The following ZFPM2 variants were observed in gnomAD, a reference collection of about 807,000 sequenced individuals.
ZFPM2 encodes zinc finger protein ZFPM2.
In ZFPM2, 20 loss-of-function variants were observed where a neutral mutation model predicts 98.6. The observed-to-expected ratio is 0.20, with a 90% CI of 0.14 to 0.29. The LOEUF is 0.29. Among genes scored for constraint, ZFPM2 ranks in the 10% least tolerant of loss-of-function variants. The pLI is 1.00. For missense variants in ZFPM2, 1,310 were observed against 1,388.6 expected (o/e 0.94, Z 0.90); for synonymous variants, 518 against 502.7 (o/e 1.03, Z -0.41).
intron 2 of ZFPM2, among the ~76,000 whole-genome samples, chr8:105,429,301 A>G (rs1161717461): frequency 6.6e-6 from 1 of 152,028 alleles, no homozygotes; most frequent in African/African-American, 2.4e-5. Flanking sequence ...CAGCATGGAT[A>G]TGTATATGTG....
chr8:105,495,611 C>T (rs1193407621), intron 3 of ZFPM2, among the ~76,000 whole-genome samples: 1 of 152,098 alleles, frequency 6.6e-6, no homozygotes, highest in Admixed American at 6.5e-5. Flanking sequence ...GATTCTCTTC[C>T]TCCTTTTAAG....
intron 3 of ZFPM2, among the ~76,000 whole-genome samples, chr8:105,489,121 A>G (rs1045812205): frequency 2.0e-5 from 3 of 152,080 alleles, no homozygotes; most frequent in Non-Finnish European, 2.9e-5. Flanking sequence ...GGTATAATAT[A>G]GCAGTACATT....
intron 5 of ZFPM2, among the ~76,000 whole-genome samples, chr8:105,704,923 T>C (rs1811222753): frequency 6.6e-6 from 1 of 152,162 alleles, no homozygotes; most frequent in Non-Finnish European, 1.5e-5. Flanking sequence ...AGTCAGTTAG[T>C]CTCGTCTTAG....
chr8:105,765,774 G>A (rs919173608), intron 5 of ZFPM2, among the ~76,000 whole-genome samples: 2 of 151,886 alleles, frequency 1.3e-5, no homozygotes, highest in African/African-American at 4.8e-5. Context: ...GGTTCAATAA[G>A]TTAATATGCT....
At chr8:105,530,772 A>C (rs1398943352) in intron 3 of ZFPM2, among the ~76,000 whole-genome samples, 1 of 152,098 alleles carries the variant, frequency 6.6e-6, no homozygotes, top group Non-Finnish European at 1.5e-5. Context: ...TTTGGAGGAG[A>C]CACAATTCGG....
chr8:105,590,381 C>G (rs1189588997), intron 4 of ZFPM2, among the ~76,000 whole-genome samples: 2 of 152,162 alleles, frequency 1.3e-5, no homozygotes, highest in African/African-American at 4.8e-5. Context: ...GGCCAAAATA[C>G]TTCAGTGTCA....
chr8:105,352,832 C>T (rs1812674150), intron 1 of ZFPM2, among the ~76,000 whole-genome samples: 1 of 151,964 alleles, frequency 6.6e-6, no homozygotes, highest in African/African-American at 2.4e-5. Context: ...TGTATGCCTG[C>T]CTGCCTGCCT....
At chr8:105,684,911 T>C (rs1810696231) in intron 5 of ZFPM2, 3 of 152,106 alleles carry the variant, frequency 2.0e-5, no homozygotes, top group Non-Finnish European at 2.9e-5. Context: ...GCGGACAAGT[T>C]TGTGATTCTT....
chr8:105,797,227 A>G (rs912233328), intron 6 of ZFPM2: 2 of 152,294 alleles, frequency 1.3e-5, no homozygotes, highest in East Asian at 1.9e-4. Flanking sequence ...CTCCTCACCT[A>G]TAAGTGGATG....
At chr8:105,798,969 T>G in intron 7 of ZFPM2, 21 bp downstream of exon 7, 1 of 1,598,218 alleles carries the variant, frequency 6.3e-7, no homozygotes, top group Non-Finnish European at 8.6e-7. Flanking sequence ...CTTTTGTTTC[T>G]TCTGTTGCTC....
At chr8:105,636,214 AT>A (rs1806517057) in intron 5 of ZFPM2, among the ~76,000 whole-genome samples, 1 of 152,302 alleles carries the variant, frequency 6.6e-6, no homozygotes. Context: ...GTGAACCTGT[AT>A]AACAGAATTG....
At chr8:105,427,128 G>A (rs573165212) in intron 2 of ZFPM2, among the ~76,000 whole-genome samples, 12 of 152,236 alleles carry the variant, frequency 7.9e-5, no homozygotes, top group South Asian at 6.2e-4. Flanking sequence ...TGGGAAAATG[G>A]GAGAGCATGC....
chr8:105,665,829 A>G (rs1817478206), intron 5 of ZFPM2, among the ~76,000 whole-genome samples: 2 of 152,190 alleles, frequency 1.3e-5, no homozygotes, highest in South Asian at 4.1e-4. Flanking sequence ...TTTGGGGATT[A>G]AATAACTAAA....
intron 3 of ZFPM2, among the ~76,000 whole-genome samples, chr8:105,534,006 T>C (rs1429270790): frequency 6.9e-4 from 19 of 27,384 alleles, no homozygotes; most frequent in East Asian, 2.0e-3. Context: ...TCTCCTTCCT[T>C]CCTTCCTCCC....
At chr8:105,393,054 A>G (rs1480780735) in intron 1 of ZFPM2, among the ~76,000 whole-genome samples, 8 of 152,172 alleles carry the variant, frequency 5.3e-5, no homozygotes, top group Admixed American at 1.3e-4. Context: ...GAATCCCTCA[A>G]TGTTCTCATC....
chr8:105,319,248 T>G (rs534594213), intron 1 of ZFPM2, among the ~76,000 whole-genome samples: 1 of 152,130 alleles, frequency 6.6e-6, no homozygotes, highest in East Asian at 1.9e-4. Flanking sequence ...GCTGCTTTTT[T>G]AATTCCGACC....
chr8:105,473,719 C>G (rs929053049), intron 3 of ZFPM2, among the ~76,000 whole-genome samples: 1 of 152,168 alleles, frequency 6.6e-6, no homozygotes, highest in African/African-American at 2.4e-5. Flanking sequence ...ACTTCCAAAG[C>G]CTTCAGAAAT....
rs560052749 is a variant in ZFPM2, at chr8:105,530,123, G to C, written c.302-31240G>C. 2.0e-5 allele frequency among the ~76,000 whole-genome samples: 3 copies of C among 152,232 alleles called. No individual in the cohort carries two copies. In the East Asian group the frequency reaches 5.8e-4, roughly 29 times the overall value. The stretch of plus-strand genomic sequence containing the variant: ...AAATCGGGCTGGCTTGCTAACAAAT[G>C]TACTATAATTCACAAGGTATTGCAG... On this transcript the variant is annotated intron_variant, in intron 3 of 7. Transcript: ENST00000407775.
At chr8:105,388,582 G>A (rs981056113) in intron 1 of ZFPM2, among the ~76,000 whole-genome samples, 1 of 152,062 alleles carries the variant, frequency 6.6e-6, no homozygotes, top group African/African-American at 2.4e-5. Flanking sequence ...GACTACATGC[G>A]GGCAGTAGAA....
Sources: gnomAD v4.1 joint callset for allele counts (sites outside exome capture counted in the v4.1 genomes callset) on GRCh38, gnomAD v4.1.1 for gene constraint, MANE v1.5 for transcripts, NCBI Gene and HGNC (gene_info 2026-07-23, HGNC 2026-07-21) for gene names.